The following SLC5A9 variants were observed in gnomAD, a reference collection of about 807,000 sequenced individuals.
SLC5A9 encodes the protein solute carrier family 5 member 9.
SLC5A9 carries 59 observed loss-of-function variants against 70.9 expected under a neutral mutation model. The ratio of observed to expected loss-of-function variants is 0.83; its 90% CI spans 0.68 to 1.03. The LOEUF (loss-of-function observed/expected upper bound fraction) is 1.03, where lower values mean the gene tolerates loss of function less well. SLC5A9 is among the 50% of genes least tolerant of loss of function. The pLI, the probability that SLC5A9 is intolerant of heterozygous loss-of-function variation, is 0.00. For missense variants in SLC5A9, 832 were observed against 881.1 expected, an observed-to-expected ratio of 0.94 and a Z score of 0.71; for synonymous variants, 340 against 346.5, an observed-to-expected ratio of 0.98 and a Z score of 0.21.
At chr1:48,233,904 C>A in intron 9 of SLC5A9, 142 bp downstream of exon 9, 1 of 663,672 alleles carries the variant, frequency 1.5e-6, no homozygotes, top group Non-Finnish European at 2.8e-6. Flanking sequence ...AACACATACA[C>A]ACACGTTTTA....
intron 1 of SLC5A9, among the ~76,000 whole-genome samples, chr1:48,223,904 T>C (rs1644106164): frequency 6.6e-6 from 1 of 152,110 alleles, no homozygotes; most frequent in Admixed American, 6.5e-5. Context: ...ATCTGTAAAA[T>C]GGATCTGTTT....
At chr1:48,224,068 T>C (rs1423255139) in intron 1 of SLC5A9, among the ~76,000 whole-genome samples, 1 of 152,190 alleles carries the variant, frequency 6.6e-6, no homozygotes. Context: ...TGCATCTGAA[T>C]AGCTGCTTCA....
At chr1:48,244,878 G>GTGTGTGTGTATATATATA (rs1391896495) in intron 13 of SLC5A9, among the ~76,000 whole-genome samples, 6 of 29,418 alleles carry the variant, frequency 2.0e-4, no homozygotes, top group African/African-American at 5.1e-4. Context: ...ATGTGTATGT[G>GTGTGTGTGTATATATATA]TATATATATA....
rs1390552128 is a variant in SLC5A9, at chr1:48,248,631, T to A, written c.*1088T>A. ...TAACAGCTGTTCAATAAATGTGTAT[T>A]GAGTTAATTAGTTCTCCATGGTCCT... On this transcript the variant is annotated 3_prime_UTR_variant, in exon 14 of 14. Transcript: ENST00000438567. 6.6e-6 allele frequency: 1 copy of A among 152,282 alleles called. No homozygotes were observed. The highest frequency in any genetic ancestry group is 1.5e-5 in the Non-Finnish European group (1 of 68,082). 9.4% of individuals were successfully genotyped at this position (152,282 alleles called of 1,614,324 possible).
At position 48,247,540 on chromosome 1, in the gene SLC5A9, G is replaced by C; in HGVS notation, c.2043G>C (p.Ala681=). Residue 681 remains alanine, a synonymous_variant, in exon 14 of 14, where the codon GCG becomes GCC. Coordinates refer to ENST00000438567, the MANE Select transcript of SLC5A9 (RefSeq NM_001011547.3). ...ACATCTTCCTCTGGGGCTATTTTGC[G>C]TGATTCCACAGACCTGGCTTCAGTG... ...AINIFLWGYF[A] 2 of 1,614,136 alleles carry C rather than the reference G, an allele frequency of 1.2e-6. No individual in the cohort carries two copies. The highest frequency in any genetic ancestry group is 1.6e-4 in the Middle Eastern group (1 of 6,062).
chr1:48,224,637 C>A, intron 1 of SLC5A9, 87 bp from the exon 2 acceptor site: 1 of 1,381,334 alleles, frequency 7.2e-7, no homozygotes, highest in Admixed American at 1.7e-5. Flanking sequence ...AGTGCCTGCA[C>A]CGAGGGGAAG....
intron 11 of SLC5A9, 70 bp downstream of exon 11, chr1:48,237,917 C>A: frequency 6.7e-7 from 1 of 1,502,586 alleles, no homozygotes; most frequent in Non-Finnish European, 9.0e-7. Flanking sequence ...ATCACCTGGT[C>A]TCTGTGACCT....
intron 2 of SLC5A9, among the ~76,000 whole-genome samples, chr1:48,226,952 T>C (rs1367887196): frequency 2.6e-5 from 4 of 152,182 alleles, no homozygotes; most frequent in African/African-American, 9.7e-5. Context: ...TGAGTGTGTG[T>C]GTGAGTGCCT....
intron 8 of SLC5A9, among the ~76,000 whole-genome samples, chr1:48,233,347 C>T (rs1408510807): frequency 3.8e-5 from 4 of 103,924 alleles, no homozygotes; most frequent in Non-Finnish European, 5.2e-5. Context: ...AGTGACAGAG[C>T]GTGACTCCAT....
chr1:48,231,835 C>T lies in SLC5A9; in HGVS notation c.692-111C>T, dbSNP rs1644252174. On this transcript the variant is annotated intron_variant, in intron 6 of 13. Transcript: ENST00000438567. Reference sequence around the variant, plus strand: ...AAGCCCCATCTTCCTCCTTCACCCCCAATCCCCATGCCAGTTCCAACCTGA... The same window carrying T: ...AAGCCCCATCTTCCTCCTTCACCCCTAATCCCCATGCCAGTTCCAACCTGA... 4.5e-6 allele frequency: 7 copies of T among 1,555,934 alleles called. No homozygotes were observed. The South Asian group carries it at 8.7e-5, about 19-fold the overall frequency.
chr1:48,222,834 T>G lies in SLC5A9; in HGVS notation c.98T>G (p.Leu33Arg). The G allele has an allele frequency of 6.2e-7, 1 of 1,614,170 alleles. No individual in the cohort carries two copies. The highest frequency in any genetic ancestry group is 2.2e-5 in the East Asian group (1 of 44,878). ...PHIALDSRVG[L>R]HAYDISVVVI... ...ATAGCACTGGACTCCAGAGTTGGTC[T>G]GCACGCCTACGACATCAGCGTGGTG... The change falls in exon 1 of 14, where the codon CTG (leucine) becomes CGG (arginine). Residue 33 changes from leucine to arginine, a missense_variant. Transcript: ENST00000438567.
chr1:48,239,585 C>T lies in SLC5A9; in HGVS notation c.1677+48C>T, dbSNP rs1355318507. 1.3e-6 allele frequency: 2 copies of T among 1,545,998 alleles called. No homozygotes were observed. The highest frequency in any genetic ancestry group is 1.8e-6 in the Non-Finnish European group (2 of 1,119,082). ...GGCCCTCCAGAAATGCTCTCCCTTC[C>T]CCCATAGCCTAGAATTCCACTGCTG... On this transcript the variant is annotated intron_variant, in intron 12 of 13. Transcript: ENST00000438567. This position sits in a 1 kb window ranked among gnomAD's most constrained non-coding sequence, Gnocchi z 4.2.
chr1:48,233,421 T>C (rs1321029556), intron 8 of SLC5A9, among the ~76,000 whole-genome samples: 1 of 151,234 alleles, frequency 6.6e-6, no homozygotes, highest in East Asian at 1.9e-4. Context: ...AGTTTAGGCT[T>C]TGTGGGCCAA....
In SLC5A9 at chr1:48,228,941, G is replaced by A. The variant is rs1430508714; in HGVS notation, c.326G>A (p.Gly109Asp). The A allele has an allele frequency of 7.4e-6, 12 of 1,613,232 alleles. No individual in the cohort carries two copies. The highest frequency in any genetic ancestry group is 1.0e-5 in the Non-Finnish European group (12 of 1,180,054). Reference protein sequence around the residue: ...TGAAGGLAVGGFEWNATWLLL... With the variant: ...TGAAGGLAVGDFEWNATWLLL... ...GCTGCCGGAGGCCTTGCCGTAGGTG[G>A]CTTCGAGTGGAACGTAAGGAAGCTG... is the stretch of plus-strand genomic sequence containing the variant. The change falls in exon 3 of 14, where the codon GGC becomes GAC. Residue 109 changes from glycine to aspartate, a missense_variant. Gly to Asp is a moderately conservative substitution (Grantham distance 94). Coordinates refer to ENST00000438567, the MANE Select transcript of SLC5A9 (RefSeq NM_001011547.3).
At position 48,228,899 on chromosome 1, in the gene SLC5A9, G is replaced by C. The variant is rs754222482; in HGVS notation, c.284G>C (p.Gly95Ala). The change falls in exon 3 of 14, where the codon GGC becomes GCC. Residue 95 changes from glycine to alanine, a missense_variant. Coordinates refer to ENST00000438567, the MANE Select transcript of SLC5A9 (RefSeq NM_001011547.3). Reference protein sequence around the residue: ...SSNVGSGLFIGLAGTGAAGGL... With the variant: ...SSNVGSGLFIALAGTGAAGGL... ...AATGTGGGCAGTGGCTTGTTCATCG[G>C]CCTGGCTGGGACAGGGGCTGCCGGA... 1 of 1,613,602 alleles carries C rather than the reference G, an allele frequency of 6.2e-7. No homozygotes were observed. The highest frequency in any genetic ancestry group is 8.5e-7 in the Non-Finnish European group (1 of 1,179,990).
At chr1:48,238,651 T>A (rs1644358242) in intron 11 of SLC5A9, 1 of 152,440 alleles carries the variant, frequency 6.6e-6, no homozygotes, top group Non-Finnish European at 1.5e-5. Flanking sequence ...AAGTGTCTAC[T>A]GTCTGCACAG....
intron 2 of SLC5A9, chr1:48,228,624 G>A (rs1180405983): frequency 1.1e-5 from 7 of 640,186 alleles, no homozygotes; most frequent in African/African-American, 3.7e-5. Context: ...TGGGTGACCT[G>A]GAGCCATGAA....
At chr1:48,224,672 C>G in intron 1 of SLC5A9, 52 bp from the exon 2 acceptor site, 1 of 1,575,820 alleles carries the variant, frequency 6.3e-7, no homozygotes, top group Non-Finnish European at 8.7e-7. Context: ...GGGGGCAGGG[C>G]AGAGGTTCAG....
chr1:48,223,818 G>C (rs1489343741), intron 1 of SLC5A9, among the ~76,000 whole-genome samples: 1 of 152,162 alleles, frequency 6.6e-6, no homozygotes, highest in East Asian at 1.9e-4. Context: ...GCTCCTGGAA[G>C]TGGCCAGCCG....
Sources: allele counts gnomAD v4.1 joint callset (sites outside exome capture counted in the v4.1 genomes callset), GRCh38; gene constraint gnomAD v4.1.1; non-coding constraint Gnocchi (gnomAD v3.1); transcripts MANE v1.5; gene names NCBI Gene and HGNC (gene_info 2026-07-23, HGNC 2026-07-21).